Variants in CDK13 observed in about 807,000 individuals in gnomAD.
The protein encoded by CDK13 is cyclin dependent kinase 13.
A neutral mutation model predicts 137.6 loss-of-function variants in CDK13; 40 were observed. The observed-to-expected ratio is 0.29, with a 90% CI of 0.23 to 0.38. CDK13 has a LOEUF of 0.38. Ranked by LOEUF, CDK13 falls within the 10% of genes least tolerant of loss-of-function variation. The pLI, the probability that CDK13 is intolerant of heterozygous loss-of-function variation, is 1.00. For missense variants in CDK13, 1,704 were observed against 1,951.8 expected (o/e 0.87, Z 2.39); for synonymous variants, 869 against 760.1 (o/e 1.14, Z -2.36).
chr7:39,990,344 C>T (rs961941287), intron 2 of CDK13, among the ~76,000 whole-genome samples: 3 of 151,846 alleles, frequency 2.0e-5, no homozygotes, highest in Admixed American at 2.0e-4. Context: ...TCTAAAGATT[C>T]ATGAGCACTT....
chr7:40,031,831 A>ATTATTG (rs1259277038), intron 5 of CDK13, among the ~76,000 whole-genome samples: 1 of 35,830 alleles, frequency 2.8e-5, no homozygotes, highest in Non-Finnish European at 6.6e-5. Flanking sequence ...TATTATTGTT[A>ATTATTG]TTATTATTAT....
At chr7:39,956,342 C>T (rs2116102644) in intron 1 of CDK13, among the ~76,000 whole-genome samples, 1 of 152,304 alleles carries the variant, frequency 6.6e-6, no homozygotes, top group Non-Finnish European at 1.5e-5. Flanking sequence ...CCTTCTCTGA[C>T]CAAACTTCAC....
intron 9 of CDK13, chr7:40,073,525 T>A (rs900742055): frequency 2.0e-5 from 3 of 151,922 alleles, no homozygotes; most frequent in African/African-American, 7.3e-5. Context: ...ATAAATAAAA[T>A]TTGAAACCTT....
At chr7:39,987,553 T>C (rs1583949690) in intron 1 of CDK13, 46 bp from the exon 2 acceptor site, 2 of 1,465,006 alleles carry the variant, frequency 1.4e-6, no homozygotes, top group Non-Finnish European at 9.1e-7. Flanking sequence ...AATTCCAAAC[T>C]GAACCTTTCT....
chr7:40,077,473 G>C (rs1786570475), intron 9 of CDK13, among the ~76,000 whole-genome samples: 1 of 152,176 alleles, frequency 6.6e-6, no homozygotes, highest in African/African-American at 2.4e-5. Flanking sequence ...AATAATGAAA[G>C]TCCTCTAAGA....
chr7:40,024,079 C>T (rs973232137), intron 5 of CDK13, among the ~76,000 whole-genome samples: 17 of 152,148 alleles, frequency 1.1e-4, no homozygotes, highest in Admixed American at 2.0e-4. Context: ...ACTCTGTACC[C>T]GTTTTACTCA....
chr7:40,048,521 T>C (rs1785801059), intron 7 of CDK13: 1 of 152,150 alleles, frequency 6.6e-6, no homozygotes, highest in African/African-American at 2.4e-5. Context: ...TTAATAAATC[T>C]TTAGTCCATT....
At chr7:40,016,122 G>A (rs1365293746) in intron 5 of CDK13, among the ~76,000 whole-genome samples, 2 of 152,164 alleles carry the variant, frequency 1.3e-5, no homozygotes, top group African/African-American at 4.8e-5. Context: ...GTGCCATTTA[G>A]AGCACATTAA....
In CDK13 at chr7:39,996,954, T is replaced by TC. The variant is rs1784572127; in HGVS notation, c.1872-538dup. Among the ~76,000 whole-genome samples, 4 of 84,362 alleles carry TC rather than the reference T, an allele frequency of 4.7e-5. No homozygotes were observed. In the South Asian group the frequency reaches 1.7e-3, roughly 36 times the overall value. 55.3% of individuals were successfully genotyped at this position (84,362 alleles called of 152,430 possible). ...ACTCCAGCTTGGGTGACAGTGAGATTCCATCTCAAAAAAAAAAAAAAAGAA... is the reference window on the plus strand; with the variant it reads ...ACTCCAGCTTGGGTGACAGTGAGATTCCCATCTCAAAAAAAAAAAAAAAGAA... On this transcript the variant is annotated intron_variant, in intron 2 of 13. Coordinates refer to ENST00000181839, the MANE Select transcript of CDK13 (RefSeq NM_003718.5).
At chr7:40,042,667 C>T (rs1007160918) in intron 5 of CDK13, among the ~76,000 whole-genome samples, 6 of 149,174 alleles carry the variant, frequency 4.0e-5, no homozygotes, top group African/African-American at 1.5e-4. Flanking sequence ...TTAGCAGAGA[C>T]GGGGTTTTAC....
At chr7:40,057,965 TAGGGTG>T (rs1786057609) in intron 7 of CDK13, among the ~76,000 whole-genome samples, 1 of 152,188 alleles carries the variant, frequency 6.6e-6, no homozygotes, top group South Asian at 2.1e-4. Context: ...AATGCATATG[TAGGGTG>T]AGGAATTTAA....
intron 5 of CDK13, among the ~76,000 whole-genome samples, chr7:40,003,202 A>ACTCTCTCTCTCT (rs1334115140): frequency 2.0e-3 from 165 of 80,978 alleles, no homozygotes; most frequent in African/African-American, 6.6e-3. Flanking sequence ...ACACACACAC[A>ACTCTCTCTCTCT]CACACTCTCT....
chr7:39,989,313 G>A (rs1784409671), intron 2 of CDK13, among the ~76,000 whole-genome samples: 1 of 150,828 alleles, frequency 6.6e-6, no homozygotes, highest in Non-Finnish European at 1.5e-5. Flanking sequence ...CCACCTAGCT[G>A]TTTTTATTTT....
At chr7:40,062,054 G>A (rs1439814805) in intron 7 of CDK13, 3 of 152,146 alleles carry the variant, frequency 2.0e-5, no homozygotes, top group African/African-American at 7.2e-5. Context: ...GTGGGTATGT[G>A]AATCAGTGAA....
intron 1 of CDK13, chr7:39,985,840 A>G (rs73390773): frequency 1.1e-4 from 16 of 152,368 alleles, no homozygotes; most frequent in African/African-American, 3.4e-4. Flanking sequence ...GGGCCAGGAA[A>G]AATACAGTGT....
intron 5 of CDK13, among the ~76,000 whole-genome samples, chr7:40,026,856 A>T (rs1253471629): frequency 2.6e-5 from 4 of 152,194 alleles, no homozygotes; most frequent in African/African-American, 9.6e-5. Context: ...TTGCTTCAAG[A>T]TATTTCATTA....
intron 5 of CDK13, among the ~76,000 whole-genome samples, chr7:40,034,232 A>G (rs1785437264): frequency 6.6e-6 from 1 of 152,190 alleles, no homozygotes; most frequent in African/African-American, 2.4e-5. Context: ...ATGGTTCCCA[A>G]GGAGCTTTCT....
intron 5 of CDK13, among the ~76,000 whole-genome samples, chr7:40,009,520 A>G (rs140819478): frequency 5.3e-4 from 81 of 152,348 alleles, no homozygotes; most frequent in African/African-American, 1.8e-3. Flanking sequence ...TGTTGCATCA[A>G]TCCTAGCAGT....
intron 9 of CDK13, chr7:40,070,723 C>CAA (rs879664233): frequency 2.6e-5 from 4 of 152,014 alleles, no homozygotes; most frequent in Non-Finnish European, 5.9e-5. Flanking sequence ...AAAAACAAAA[C>CAA]AAAACAAAAA....
Sources: gnomAD v4.1 joint callset for allele counts (sites outside exome capture counted in the v4.1 genomes callset) on GRCh38, gnomAD v4.1.1 for gene constraint, MANE v1.5 for transcripts, NCBI Gene and HGNC (gene_info 2026-07-23, HGNC 2026-07-21) for gene names.